The following PARVB variants were observed in gnomAD, a reference collection of about 807,000 sequenced individuals.
The protein encoded by PARVB is parvin beta, also known as beta-parvin.
PARVB carries 46 observed loss-of-function variants against 47.0 expected under a neutral mutation model. The ratio of observed to expected loss-of-function variants is 0.98; its 90% CI spans 0.77 to 1.25. The LOEUF (loss-of-function observed/expected upper bound fraction) is 1.25. Among genes scored for constraint, PARVB ranks in the 50% most tolerant of loss-of-function variants. PARVB has a pLI of 0.00. For missense variants in PARVB, 473 were observed against 471.6 expected, an observed-to-expected ratio of 1.00 and a Z score of -0.03; for synonymous variants, 196 against 196.3, an observed-to-expected ratio of 1.00 and a Z score of 0.01.
intron 1 of PARVB, among the ~76,000 whole-genome samples, chr22:44,047,728 T>A (rs1225273826): frequency 6.6e-6 from 1 of 152,176 alleles, no homozygotes; most frequent in African/African-American, 2.4e-5. Context: ...CACAAGCTTC[T>A]AGGGGTTAGA....
intron 1 of PARVB, among the ~76,000 whole-genome samples, chr22:44,055,239 C>T (rs1290415416): frequency 6.6e-6 from 1 of 152,154 alleles, no homozygotes; most frequent in East Asian, 1.9e-4. Flanking sequence ...GCCTCCCTCC[C>T]CACCAGAGGT....
rs755771109 is a variant in PARVB at position 44,089,080 on chromosome 22, G to A, written c.113-4848G>A. Among the ~76,000 whole-genome samples the A allele has an allele frequency of 1.6e-4, 24 of 152,154 alleles. No individual in the cohort carries two copies. The highest frequency in any genetic ancestry group is 2.6e-4 in the Non-Finnish European group (18 of 68,026). On this transcript the variant is annotated intron_variant, in intron 1 of 12. Coordinates refer to ENST00000338758, the MANE Select transcript of PARVB (RefSeq NM_013327.5). The surrounding 1 kb of genome is among the most constrained non-coding windows in gnomAD (Gnocchi z 4.0). The stretch of plus-strand genomic sequence containing the variant: ...CACTCTGCCATCCCGGGCTGAGCGA[G>A]GAGTGCCCGTCTCCAGAGACAGTGT...
At position 44,172,477 on chromosome 22, in the gene PARVB, G is replaced by A. The variant is rs1261902261; in HGVS notation, c.*3799G>A. 1.2e-5 allele frequency: 2 copies of A among 161,310 alleles called. No individual in the cohort carries two copies. The highest frequency in any genetic ancestry group is 1.1e-4 in the Admixed American group (2 of 17,604). The allele number at this position is 161,310 out of a possible 1,614,324, so 10.0% of individuals were successfully genotyped here. A position where few individuals can be genotyped will look rare whatever the true frequency, so the allele number is the denominator to read the frequency against. Reference sequence around the variant, plus strand: ...GTGGACGCTCGGACAAGGGCAGGAAGGTATTTGCTGATTCTCCTTCTCCAT... The same window carrying A: ...GTGGACGCTCGGACAAGGGCAGGAAAGTATTTGCTGATTCTCCTTCTCCAT... On this transcript the variant is annotated 3_prime_UTR_variant, in exon 13 of 13. Transcript: ENST00000338758.
At chr22:44,167,715 C>T (rs373593096) in intron 12 of PARVB, among the ~76,000 whole-genome samples, 188 of 59,440 alleles carry the variant, frequency 3.2e-3, no homozygotes, top group African/African-American at 8.5e-3. Context: ...CCAAGCCCGC[C>T]GAGCCGAGTT....
intron 7 of PARVB, chr22:44,139,006 CTG>C (rs991331186): frequency 2.6e-5 from 4 of 152,232 alleles, no homozygotes; most frequent in Non-Finnish European, 5.9e-5. Flanking sequence ...TGGAAAGGAT[CTG>C]TGCACTCACT....
Position 44,086,017 on chromosome 22 carries a change from C to T in PARVB, c.113-7911C>T, listed in dbSNP as rs761252127. 7.0e-4 allele frequency among the ~76,000 whole-genome samples: 107 copies of T among 152,210 alleles called. 1 individual carries two copies. Among genetic ancestry groups the T allele is most frequent in the Admixed American group, 3.3e-4 (5 of 15,282 alleles). The stretch of plus-strand genomic sequence containing the variant: ...CATCTTGAGAAATGGGCTGGAACCT[C>T]ATGCCCCAGCACAACAAGCCCCATA... On this transcript the variant is annotated intron_variant, in intron 1 of 12. Coordinates refer to ENST00000338758, the MANE Select transcript of PARVB (RefSeq NM_013327.5).
chr22:44,081,560 G>A, intron 1 of PARVB: 1 of 983,224 alleles, frequency 1.0e-6, no homozygotes, highest in Non-Finnish European at 1.2e-6. Context: ...CACAACTTGG[G>A]AACCAGCGAA....
chr22:44,020,473 C>T (rs1035734873), upstream of PARVB, among the ~76,000 whole-genome samples: 17 of 152,200 alleles, frequency 1.1e-4, no homozygotes, highest in African/African-American at 3.6e-4. Flanking sequence ...TGCATCCAGC[C>T]ACCTGCCACC....
At chr22:44,059,140 C>T (rs552307503) in intron 1 of PARVB, among the ~76,000 whole-genome samples, 1 of 142,732 alleles carries the variant, frequency 7.0e-6, no homozygotes, top group East Asian at 2.3e-4. Flanking sequence ...CTGCTTCTCA[C>T]ATTTAAGCGA....
chr22:44,125,540 C>T lies in PARVB; in HGVS notation c.377-5947C>T, dbSNP rs1601643846. 6.6e-6 allele frequency among the ~76,000 whole-genome samples: 1 copy of T among 152,122 alleles called. No individual in the cohort carries two copies. Among genetic ancestry groups the T allele is most frequent in the African/African-American group, 2.4e-5 (1 of 41,418 alleles). ...GGCGACATCTGAGCACATGTCTGCA[C>T]AGTGAGCTTGGGAAGGGCGTTCTGG... On this transcript the variant is annotated intron_variant, in intron 4 of 12. Transcript: ENST00000338758. This position sits in a 1 kb window ranked among gnomAD's most constrained non-coding sequence, Gnocchi z 4.1.
rs888093219 is a variant in PARVB at position 44,126,358 on chromosome 22, C to T, written c.377-5129C>T. Among the ~76,000 whole-genome samples, 8 of 152,142 alleles carry T rather than the reference C, an allele frequency of 5.3e-5. No individual in the cohort carries two copies. The South Asian group carries it at 6.2e-4, about 12-fold the overall frequency. On this transcript the variant is annotated intron_variant, in intron 4 of 12. Coordinates refer to ENST00000338758, the MANE Select transcript of PARVB (RefSeq NM_013327.5). ...ATTATCACAATTTTATTATTAAAAA[C>T]GTTAGTGGCCAAAGTTTTGATGTTT...
chr22:44,051,340 G>A (rs1273539940), intron 1 of PARVB, among the ~76,000 whole-genome samples: 2 of 152,214 alleles, frequency 1.3e-5, no homozygotes, highest in African/African-American at 4.8e-5. Context: ...GATTGATGAT[G>A]AGGTGGGGAC....
At chr22:44,150,382 G>A (rs113753643) in intron 9 of PARVB, 1 of 150,808 alleles carries the variant, frequency 6.6e-6, no homozygotes, top group African/African-American at 2.4e-5. Flanking sequence ...ATTGCAAATC[G>A]ATAGGCAGGC....
chr22:44,131,435 C>A, intron 4 of PARVB, 52 bp from the exon 5 acceptor site: 2 of 1,596,698 alleles, frequency 1.3e-6, no homozygotes, highest in Non-Finnish European at 1.7e-6. Context: ...AGCCACTGCG[C>A]CTGGCCCTTC....
At chr22:44,020,130 A>C (rs1201322964), upstream of PARVB, among the ~76,000 whole-genome samples, 1 of 151,530 alleles carries the variant, frequency 6.6e-6, no homozygotes, top group Non-Finnish European at 1.5e-5. Context: ...TGCAGACAGC[A>C]CAAGATCCCA....
intron 1 of PARVB, among the ~76,000 whole-genome samples, chr22:44,034,555 A>G (rs1026326196): frequency 1.3e-5 from 2 of 151,962 alleles, no homozygotes; most frequent in African/African-American, 2.4e-5. Context: ...CACCATGCCC[A>G]GCTCTTGAGA....
upstream of PARVB, among the ~76,000 whole-genome samples, chr22:44,023,468 G>C (rs1441845021): frequency 6.6e-6 from 1 of 151,184 alleles, no homozygotes; most frequent in Admixed American, 6.6e-5. Context: ...CCGAGATTGT[G>C]CCACTGCACT....
chr22:44,059,713 C>T (rs932479522), intron 1 of PARVB, among the ~76,000 whole-genome samples: 2 of 152,182 alleles, frequency 1.3e-5, no homozygotes, highest in African/African-American at 4.8e-5. Flanking sequence ...TGTTGATTGT[C>T]TCAGCTTAAT....
Position 44,093,959 on chromosome 22 carries a change from C to T in PARVB, c.144C>T (p.Ala48=), listed in dbSNP as rs532020897. The change falls in exon 2 of 13, where the codon GCC becomes GCT. Residue 48 remains alanine, a synonymous_variant. Transcript: ENST00000338758. ...VSDLQEEGKN[A]INSPMSPALV... is the part of the protein sequence containing the mutation. ...ACCTGCAGGAAGAAGGCAAGAATGC[C>T]ATCAACTCACCGATGTCCCCCGCCC... 3 of 1,613,782 alleles carry T rather than the reference C, an allele frequency of 1.9e-6. No homozygotes were observed. Among genetic ancestry groups the T allele is most frequent in the African/African-American group, 2.7e-5 (2 of 75,050 alleles).
Sources: gnomAD v4.1 joint callset for allele counts (sites outside exome capture counted in the v4.1 genomes callset) on GRCh38, gnomAD v4.1.1 for gene constraint, Gnocchi (gnomAD v3.1) non-coding constraint, MANE v1.5 for transcripts, NCBI Gene and HGNC (gene_info 2026-07-23, HGNC 2026-07-21) for gene names.